Variants in PTPRM observed in about 807,000 individuals in gnomAD.
PTPRM encodes the protein receptor-type tyrosine-protein phosphatase mu.
A neutral mutation model predicts 186.7 loss-of-function variants in PTPRM; 47 were observed. The observed-to-expected ratio is 0.25, with a 90% CI of 0.20 to 0.32. PTPRM has a LOEUF of 0.32. PTPRM is among the 10% of genes least tolerant of loss of function. The pLI is 1.00. For synonymous variants in PTPRM, 668 were observed against 674.9 expected (o/e 0.99, Z 0.16); for missense variants, 1,494 against 1,865.0 (o/e 0.80, Z 3.66).
chr18:8,319,665 G>A (rs555439728), intron 22 of PTPRM, among the ~76,000 whole-genome samples: 7 of 152,316 alleles, frequency 4.6e-5, no homozygotes, highest in East Asian at 1.9e-4. Context: ...AGTGGCAGGT[G>A]ACATCTGTGA....
At chr18:7,695,329 A>C (rs1292305951) in intron 1 of PTPRM, among the ~76,000 whole-genome samples, 2 of 152,210 alleles carry the variant, frequency 1.3e-5, no homozygotes, top group South Asian at 4.1e-4. Context: ...CTACATGAAC[A>C]CAATGCAGCG....
intron 2 of PTPRM, among the ~76,000 whole-genome samples, chr18:7,822,678 G>A (rs2045262446): frequency 6.6e-6 from 1 of 152,126 alleles, no homozygotes; most frequent in Non-Finnish European, 1.5e-5. Flanking sequence ...ACAACCCTTA[G>A]AATGAATTCT....
chr18:7,642,878 GAAA>G (rs2038478251), intron 1 of PTPRM, among the ~76,000 whole-genome samples: 1 of 146,486 alleles, frequency 6.8e-6, no homozygotes, highest in African/African-American at 2.5e-5. Flanking sequence ...GAAGAAGAAA[GAAA>G]AAATTTTCAT....
chr18:7,772,411 C>CT (rs869207276), intron 1 of PTPRM, among the ~76,000 whole-genome samples: 7 of 86,172 alleles, frequency 8.1e-5, no homozygotes, highest in African/African-American at 5.4e-5. Flanking sequence ...TTCTTTCTTT[C>CT]TTTTCTTTCT....
intron 4 of PTPRM, among the ~76,000 whole-genome samples, chr18:7,915,923 A>C (rs79143069): frequency 2.4e-4 from 36 of 152,156 alleles, no homozygotes; most frequent in African/African-American, 8.4e-4. Context: ...AATTTACACC[A>C]TTAGCAGAAA....
chr18:8,354,217 A>AAG (rs2095551652), intron 23 of PTPRM, among the ~76,000 whole-genome samples: 1 of 151,806 alleles, frequency 6.6e-6, no homozygotes, highest in African/African-American at 2.4e-5. Flanking sequence ...CGTCTTAAAA[A>AAG]AAAAAAAAGT....
chr18:7,769,128 A>G (rs2042154979), intron 1 of PTPRM, among the ~76,000 whole-genome samples: 1 of 151,990 alleles, frequency 6.6e-6, no homozygotes, highest in African/African-American at 2.4e-5. Flanking sequence ...AACTTCCAAC[A>G]ATTGCTTCTT....
chr18:7,850,424 A>G (rs894664405), intron 2 of PTPRM, among the ~76,000 whole-genome samples: 3 of 152,210 alleles, frequency 2.0e-5, no homozygotes, highest in Admixed American at 6.5e-5. Context: ...TGTGGGGCCA[A>G]TATTCCAGGG....
chr18:8,035,819 A>G (rs1185549559), intron 7 of PTPRM, among the ~76,000 whole-genome samples: 1 of 152,228 alleles, frequency 6.6e-6, no homozygotes, highest in African/African-American at 2.4e-5. Context: ...CATTGTATAC[A>G]TTAAATATGC....
rs181426964 is a variant in PTPRM at position 8,321,320 on chromosome 18, T to A, written c.2956+2106T>A. Among the ~76,000 whole-genome samples the A allele has an allele frequency of 1.8e-4, 28 of 152,292 alleles. No homozygotes were observed. In the East Asian group the frequency reaches 5.0e-3, roughly 27 times the overall value. On this transcript the variant is annotated intron_variant, in intron 22 of 32. Transcript: ENST00000580170. ...TTGTATTTTCAATATTGAGGCCCTC[T>A]AGATTAAGGTGACTAAACGAACAGC...
chr18:7,959,169 C>A (rs991049204), intron 7 of PTPRM, among the ~76,000 whole-genome samples: 1 of 152,184 alleles, frequency 6.6e-6, no homozygotes, highest in African/African-American at 2.4e-5. Context: ...TTACATATAG[C>A]ATGTGGTCAA....
chr18:8,217,336 A>C (rs1352314467), intron 14 of PTPRM, among the ~76,000 whole-genome samples: 1 of 152,188 alleles, frequency 6.6e-6, no homozygotes, highest in African/African-American at 2.4e-5. Flanking sequence ...GAGGAACCCG[A>C]GCCCCTGGGG....
chr18:8,208,110 C>G (rs1030365158), intron 14 of PTPRM, among the ~76,000 whole-genome samples: 6 of 152,322 alleles, frequency 3.9e-5, no homozygotes, highest in African/African-American at 1.4e-4. Context: ...GGTCAGCAAC[C>G]ATAACCGTAA....
At chr18:7,814,764 C>A (rs2044716699) in intron 2 of PTPRM, 1 of 152,174 alleles carries the variant, frequency 6.6e-6, no homozygotes, top group East Asian at 1.9e-4. Context: ...TCAAACCTGT[C>A]CTCTTTTGTC....
chr18:8,333,031 T>C (rs2095420259), intron 22 of PTPRM, among the ~76,000 whole-genome samples: 1 of 152,196 alleles, frequency 6.6e-6, no homozygotes, highest in African/African-American at 2.4e-5. Flanking sequence ...TATTTTTGAT[T>C]TTAGGTTAAA....
chr18:7,683,944 G>A (rs1160404039), intron 1 of PTPRM, among the ~76,000 whole-genome samples: 1 of 152,078 alleles, frequency 6.6e-6, no homozygotes, highest in Non-Finnish European at 1.5e-5. Flanking sequence ...CCTGATATCA[G>A]CAGGGGGTTG....
intron 19 of PTPRM, among the ~76,000 whole-genome samples, chr18:8,290,355 C>A (rs975778446): frequency 6.6e-6 from 1 of 152,144 alleles, no homozygotes; most frequent in African/African-American, 2.4e-5. Context: ...CGGCCTTGAC[C>A]TGCATCCCTT....
intron 29 of PTPRM, among the ~76,000 whole-genome samples, chr18:8,383,296 C>CAAAAAAAAAA (rs59442781): frequency 3.0e-4 from 9 of 30,430 alleles, no homozygotes; most frequent in South Asian, 2.7e-3. Context: ...GCTTCTGCCT[C>CAAAAAAAAAA]AAAAAAAAAA....
At chr18:7,780,444 G>A (rs913171884) in intron 2 of PTPRM, among the ~76,000 whole-genome samples, 2 of 152,146 alleles carry the variant, frequency 1.3e-5, no homozygotes, top group Non-Finnish European at 2.9e-5. Context: ...GCATGCATTT[G>A]GATCTTCTTG....
Sources: allele counts gnomAD v4.1 joint callset (sites outside exome capture counted in the v4.1 genomes callset), GRCh38; gene constraint gnomAD v4.1.1; transcripts MANE v1.5; gene names NCBI Gene and HGNC (gene_info 2026-07-23, HGNC 2026-07-21).